SGCZ: variants seen among roughly 807,000 people sequenced by gnomAD.
SGCZ encodes sarcoglycan zeta, also known as zeta-sarcoglycan.
In SGCZ, 40 loss-of-function variants were observed where a neutral mutation model predicts 41.3. The observed-to-expected ratio is 0.97, with a 90% CI of 0.75 to 1.26. The LOEUF is 1.26. Among genes scored for constraint, SGCZ ranks in the 50% most tolerant of loss-of-function variants. The probability of loss-of-function intolerance (pLI) is 0.00; values close to 1 mark genes in which losing one functional copy is unlikely to be tolerated. For missense variants in SGCZ, 552 were observed against 369.8 expected, an observed-to-expected ratio of 1.49 and a Z score of -4.04; for synonymous variants, 206 against 137.5, an observed-to-expected ratio of 1.50 and a Z score of -3.49.
intron 4 of SGCZ, among the ~76,000 whole-genome samples, chr8:14,235,697 T>G (rs940915844): frequency 6.6e-6 from 1 of 152,148 alleles, no homozygotes; most frequent in Non-Finnish European, 1.5e-5. Context: ...TAATTTACGT[T>G]TTTTTGAGAC....
At chr8:14,302,403 G>A (rs1350744635) in intron 3 of SGCZ, among the ~76,000 whole-genome samples, 1 of 152,080 alleles carries the variant, frequency 6.6e-6, no homozygotes. Context: ...TTTCAGAGAA[G>A]CTTCTATCAC....
chr8:14,133,877 CTT>C (rs1269648707), intron 5 of SGCZ, among the ~76,000 whole-genome samples: 1 of 152,084 alleles, frequency 6.6e-6, no homozygotes, highest in East Asian at 1.9e-4. Context: ...TTTTGTGTAA[CTT>C]ATTTCCCTTT....
chr8:14,223,401 A>G (rs574888933), intron 4 of SGCZ, among the ~76,000 whole-genome samples: 1 of 152,326 alleles, frequency 6.6e-6, no homozygotes, highest in South Asian at 2.1e-4. Flanking sequence ...TTTAATAAAT[A>G]AAGACATATA....
chr8:14,503,495 C>G (rs765444488), intron 2 of SGCZ, among the ~76,000 whole-genome samples: 6 of 152,232 alleles, frequency 3.9e-5, no homozygotes, highest in African/African-American at 1.4e-4. Context: ...CGCGGCCAGT[C>G]TCAGTGGCTC....
At chr8:14,560,436 C>A (rs914114051) in intron 1 of SGCZ, among the ~76,000 whole-genome samples, 19 of 151,690 alleles carry the variant, frequency 1.3e-4, no homozygotes, top group African/African-American at 2.4e-5. Context: ...CAAGGAGGAG[C>A]GGAGAAGGGG....
At chr8:14,604,519 A>C (rs1470979597) in intron 1 of SGCZ, among the ~76,000 whole-genome samples, 3 of 152,122 alleles carry the variant, frequency 2.0e-5, no homozygotes, top group Non-Finnish European at 4.4e-5. Flanking sequence ...TATCAGGTAC[A>C]ATAAACTCTA....
At chr8:14,529,205 A>G (rs533346827) in intron 2 of SGCZ, among the ~76,000 whole-genome samples, 1 of 152,136 alleles carries the variant, frequency 6.6e-6, no homozygotes, top group Non-Finnish European at 1.5e-5. Flanking sequence ...GGATTGAATT[A>G]TTTGAGCTTT....
intron 1 of SGCZ, among the ~76,000 whole-genome samples, chr8:15,027,982 C>T (rs1803518721): frequency 6.6e-6 from 1 of 151,992 alleles, no homozygotes; most frequent in African/African-American, 2.4e-5. Context: ...AACAAAAGCA[C>T]AGATAATATC....
intron 4 of SGCZ, among the ~76,000 whole-genome samples, chr8:14,180,861 C>A (rs1367352745): frequency 2.0e-5 from 3 of 151,622 alleles, no homozygotes; most frequent in African/African-American, 4.8e-5. Flanking sequence ...CTGGACAGTG[C>A]CCCCATACTA....
chr8:14,181,972 C>G (rs1006170407), intron 4 of SGCZ, among the ~76,000 whole-genome samples: 2 of 152,138 alleles, frequency 1.3e-5, no homozygotes, highest in African/African-American at 4.8e-5. Context: ...CTGACTCATT[C>G]TCAAATTGGT....
At chr8:14,960,245 T>C (rs117704218) in intron 1 of SGCZ, among the ~76,000 whole-genome samples, 1,764 of 152,300 alleles carry the variant, frequency 0.012, 14 homozygotes, top group Non-Finnish European at 0.018. Flanking sequence ...ACTGTATTTA[T>C]TGTAACGCTT....
chr8:14,497,113 A>T (rs946926527), intron 2 of SGCZ, among the ~76,000 whole-genome samples: 3 of 152,148 alleles, frequency 2.0e-5, no homozygotes, highest in African/African-American at 7.2e-5. Flanking sequence ...TACGCGTCAC[A>T]ATCTGTCAGG....
intron 1 of SGCZ, among the ~76,000 whole-genome samples, chr8:14,795,428 GT>G (rs67931216): frequency 0.36 from 54,356 of 150,824 alleles, 11,435 homozygotes; most frequent in East Asian, 0.49. Context: ...ATACTTTGGG[GT>G]TTTTTTTTCA....
intron 1 of SGCZ, among the ~76,000 whole-genome samples, chr8:14,680,063 G>A (rs1210178122): frequency 6.6e-6 from 1 of 152,050 alleles, no homozygotes; most frequent in Non-Finnish European, 1.5e-5. Flanking sequence ...TTTGCACAAT[G>A]ATGAAATTGT....
At chr8:15,218,346 A>C (rs971781351) in intron 1 of SGCZ, among the ~76,000 whole-genome samples, 6 of 152,210 alleles carry the variant, frequency 3.9e-5, no homozygotes, top group South Asian at 4.1e-4. Context: ...TTAGCAAAAA[A>C]GTAGTTAAAC....
At chr8:14,967,565 G>A (rs1034295409) in intron 1 of SGCZ, among the ~76,000 whole-genome samples, 2 of 152,028 alleles carry the variant, frequency 1.3e-5, no homozygotes, top group Admixed American at 6.6e-5. Flanking sequence ...TCCTTCAAAG[G>A]CATCTCAAAC....
At chr8:15,025,836 T>C (rs563501402) in intron 1 of SGCZ, among the ~76,000 whole-genome samples, 2 of 152,210 alleles carry the variant, frequency 1.3e-5, no homozygotes, top group Admixed American at 6.5e-5. Flanking sequence ...TGTAAAGTAA[T>C]CCTAAACTGT....
intron 1 of SGCZ, among the ~76,000 whole-genome samples, chr8:14,859,131 T>A (rs1803638304): frequency 6.6e-6 from 1 of 152,130 alleles, no homozygotes; most frequent in African/African-American, 2.4e-5. Context: ...AGACAGCCAT[T>A]GTGCTCTGGT....
rs185115563 is a variant in SGCZ at position 14,630,207 on chromosome 8, C to A, written c.40-75281G>T. On this transcript the variant is annotated intron_variant, in intron 1 of 7. Coordinates refer to ENST00000382080, the MANE Select transcript of SGCZ (RefSeq NM_139167.4). ...TGCTCCTCATGTGGGCATACAAATT[C>A]ATCAAAGTTATTTTTCACATGTGTT... Among the ~76,000 whole-genome samples, 1,338 of 151,102 alleles carry A rather than the reference C, an allele frequency of 8.9e-3. 19 individuals are homozygous for A. Among genetic ancestry groups the A allele is most frequent in the African/African-American group, 0.031 (1,269 of 41,092 alleles).
Sources: allele counts gnomAD v4.1 joint callset (sites outside exome capture counted in the v4.1 genomes callset), GRCh38; gene constraint gnomAD v4.1.1; transcripts MANE v1.5; gene names NCBI Gene and HGNC (gene_info 2026-07-23, HGNC 2026-07-21).